Variants in CEP152 observed in about 807,000 individuals in gnomAD.
The protein encoded by CEP152 is centrosomal protein of 152 kDa.
A neutral mutation model predicts 188.9 loss-of-function variants in CEP152; 132 were observed. The ratio of observed to expected loss-of-function variants is 0.70; its 90% CI spans 0.61 to 0.81. CEP152 has a LOEUF of 0.81. Among genes scored for constraint, CEP152 ranks in the 30% least tolerant of loss-of-function variants. The pLI is 0.00. For synonymous variants in CEP152, 649 were observed against 666.6 expected (o/e 0.97, Z 0.41); for missense variants, 1,914 against 1,969.8 (o/e 0.97, Z 0.54).
rs553103787 is a variant in CEP152, at chr15:48,761,380, CTTGT to C, written c.2562+1007_2562+1010del. Among the ~76,000 whole-genome samples, 56 of 152,252 alleles carry C rather than the reference CTTGT, an allele frequency of 3.7e-4. 1 individual carries two copies. The South Asian group carries it at 7.1e-3, about 19-fold the overall frequency. ...TCAAAAACTTTACATTGAGTGCTAT[CTTGT>C]TTAAGAGTTTATAATAAGTAATAAA... On this transcript the variant is annotated intron_variant, in intron 18 of 26. Coordinates refer to ENST00000380950, the MANE Select transcript of CEP152 (RefSeq NM_001194998.2).
Position 48,798,124 on chromosome 15 carries a change from G to A in CEP152, c.88-73C>T, listed in dbSNP as rs191095833. 289 of 1,246,316 alleles carry A rather than the reference G, an allele frequency of 2.3e-4. 2 individuals are homozygous for A. The highest frequency in any genetic ancestry group is 2.1e-3 in the African/African-American group (142 of 67,930). The allele number at this position is 1,246,316 out of a possible 1,614,324, so 77.2% of individuals were successfully genotyped here. ...CACCAAGCCAAAGCTGCCTTGGAACGAGTGGTTTTTTACTGTAGAGGTCAA... is the reference window on the plus strand; with the variant it reads ...CACCAAGCCAAAGCTGCCTTGGAACAAGTGGTTTTTTACTGTAGAGGTCAA... On this transcript the variant is annotated intron_variant, in intron 2 of 26. Coordinates refer to ENST00000380950, the MANE Select transcript of CEP152 (RefSeq NM_001194998.2).
chr15:48,792,872 A>T (rs1477301359), intron 7 of CEP152, among the ~76,000 whole-genome samples: 1 of 151,498 alleles, frequency 6.6e-6, no homozygotes, highest in East Asian at 1.9e-4. Context: ...CCTGAAGTGC[A>T]ATGGCGCTTT....
In CEP152 at chr15:48,753,118, T is replaced by C. The variant is rs192616335; in HGVS notation, c.3346-649A>G. 6.6e-5 allele frequency among the ~76,000 whole-genome samples: 10 copies of C among 152,318 alleles called. No homozygotes were observed. The East Asian group carries it at 1.3e-3, about 21-fold the overall frequency. On this transcript the variant is annotated intron_variant, in intron 20 of 26. Transcript: ENST00000380950. Reference sequence around the variant, plus strand: ...CCAGTCCTTGTCACAGCAATACAGCTACTAAATCAATGGATTTTTCATTTT... The same window carrying C: ...CCAGTCCTTGTCACAGCAATACAGCCACTAAATCAATGGATTTTTCATTTT...
chr15:48,737,524 G>A (rs1747338770), downstream of CEP152, among the ~76,000 whole-genome samples: 1 of 151,956 alleles, frequency 6.6e-6, no homozygotes, highest in South Asian at 2.1e-4. Flanking sequence ...TTTGCTACAT[G>A]ACAAAACTTA....
chr15:48,767,310 A>T, intron 16 of CEP152, 25 bp downstream of exon 16: 1 of 1,614,174 alleles, frequency 6.2e-7, no homozygotes, highest in South Asian at 1.1e-5. Flanking sequence ...ACAGCTTAAA[A>T]GGCAGCTAAA....
At chr15:48,790,847 C>T (rs1462843364) in intron 8 of CEP152, among the ~76,000 whole-genome samples, 1 of 152,296 alleles carries the variant, frequency 6.6e-6, no homozygotes. Flanking sequence ...GGATTACAGG[C>T]GTGAGCCACT....
Position 48,740,924 on chromosome 15 carries a change from A to C in CEP152, c.4093+677T>G, listed in dbSNP as rs975194292. 1.1e-5 allele frequency: 7 copies of C among 622,812 alleles called. No individual in the cohort carries two copies. In the African/African-American group the frequency reaches 1.4e-4, roughly 13 times the overall value. The allele number at this position is 622,812 out of a possible 1,614,324, so 38.6% of individuals were successfully genotyped here. On this transcript the variant is annotated intron_variant, in intron 26 of 26. Transcript: ENST00000380950. Reference sequence around the variant, plus strand: ...CCCCACCTGGTTGCTGTTGGTTTAGAACACCAACTAATTACCCCATTCATA... The same window carrying C: ...CCCCACCTGGTTGCTGTTGGTTTAGCACACCAACTAATTACCCCATTCATA...
At chr15:48,748,751 G>C in intron 21 of CEP152, 141 bp from the exon 22 acceptor site, 1 of 928,796 alleles carries the variant, frequency 1.1e-6, no homozygotes, top group Middle Eastern at 3.6e-4. Context: ...TGATGCTTAA[G>C]ATAGAGAGAC....
At chr15:48,795,858 T>G (rs1897255123) in intron 6 of CEP152, 152 bp downstream of exon 6, 2 of 687,636 alleles carry the variant, frequency 2.9e-6, no homozygotes, top group Non-Finnish European at 4.9e-6. Context: ...CTAGTATATA[T>G]CTCTAAAAAT....
chr15:48,797,863 A>G, intron 3 of CEP152, 85 bp downstream of exon 3: 1 of 1,476,640 alleles, frequency 6.8e-7, no homozygotes, highest in Non-Finnish European at 9.3e-7. Context: ...TTACAATTTT[A>G]TAATCATGTA....
chr15:48,742,958 G>A (rs1349955207), intron 24 of CEP152, among the ~76,000 whole-genome samples: 1 of 151,984 alleles, frequency 6.6e-6, no homozygotes, highest in Admixed American at 6.6e-5. Context: ...AATACTAACT[G>A]GGAGACTGTT....
At chr15:48,748,730 C>A in intron 21 of CEP152, 120 bp from the exon 22 acceptor site, 11 of 1,072,566 alleles carry the variant, frequency 1.0e-5, no homozygotes, top group Non-Finnish European at 1.3e-5. Flanking sequence ...TACAGCACGA[C>A]TGAAAGAGTG....
chr15:48,742,746 C>T (rs1049972557), intron 24 of CEP152, among the ~76,000 whole-genome samples: 1 of 151,618 alleles, frequency 6.6e-6, no homozygotes, highest in Non-Finnish European at 1.5e-5. Context: ...CCACAGCTTT[C>T]AAGTTTTTTT....
rs1298935621 is a variant in CEP152 at position 48,738,167 on chromosome 15, G to A, written c.*82C>T. On this transcript the variant is annotated 3_prime_UTR_variant, in exon 27 of 27. Coordinates refer to ENST00000380950, the MANE Select transcript of CEP152 (RefSeq NM_001194998.2). ...ATTAAAACATCTCAAAAGAGGCAGG[G>A]CTCACAATTTTTTTCAGTATGAGGT... The A allele has an allele frequency of 5.0e-6, 7 of 1,393,058 alleles. No homozygotes were observed. Among genetic ancestry groups the A allele is most frequent in the South Asian group, 1.4e-5 (1 of 71,012 alleles). The allele number at this position is 1,393,058 out of a possible 1,614,324, so 86.3% of individuals were successfully genotyped here. A position where few individuals can be genotyped will look rare whatever the true frequency, so the allele number is the denominator to read the frequency against.
chr15:48,792,003 C>G (rs948334289), intron 7 of CEP152, among the ~76,000 whole-genome samples: 1 of 151,814 alleles, frequency 6.6e-6, no homozygotes, highest in African/African-American at 2.4e-5. Context: ...GCAATGAACT[C>G]TTTTTTTTGA....
chr15:48,794,194 T>TA (rs1243306686), intron 6 of CEP152, among the ~76,000 whole-genome samples: 2 of 151,606 alleles, frequency 1.3e-5, no homozygotes, highest in African/African-American at 2.4e-5. Context: ...ATACATAATT[T>TA]AAAAAAAAAT....
At chr15:48,806,994 T>G (rs1051021844) in intron 1 of CEP152, among the ~76,000 whole-genome samples, 1 of 152,200 alleles carries the variant, frequency 6.6e-6, no homozygotes, top group Admixed American at 6.5e-5. Flanking sequence ...AGTTTTTGTT[T>G]TTCAAAGACT....
chr15:48,736,216 AAAG>A (rs1892594712), downstream of CEP152, among the ~76,000 whole-genome samples: 2 of 152,190 alleles, frequency 1.3e-5, no homozygotes, highest in African/African-American at 2.4e-5. Context: ...TCCAATATAT[AAAG>A]AAGAAGTAAT....
chr15:48,787,372 T>C (rs1232089026), intron 9 of CEP152, among the ~76,000 whole-genome samples: 1 of 151,938 alleles, frequency 6.6e-6, no homozygotes, highest in South Asian at 2.1e-4. Context: ...GGATTCACTA[T>C]TTTGCCCAGG....
Sources: gnomAD v4.1 joint callset for allele counts (sites outside exome capture counted in the v4.1 genomes callset) on GRCh38, gnomAD v4.1.1 for gene constraint, MANE v1.5 for transcripts, NCBI Gene and HGNC (gene_info 2026-07-23, HGNC 2026-07-21) for gene names.